The following ADARB2 variants were observed in gnomAD, a reference collection of about 807,000 sequenced individuals.
ADARB2 encodes inactive double-stranded RNA-specific editase B2.
Under a neutral mutation model 62.2 loss-of-function variants are expected in ADARB2, and 25 were observed. The observed-to-expected ratio is 0.40, with a 90% CI of 0.29 to 0.56. The LOEUF is 0.56. ADARB2 is among the 20% of genes least tolerant of loss of function. The pLI is 0.43. For synonymous variants in ADARB2, 572 were observed against 500.8 expected, an observed-to-expected ratio of 1.14 and a Z score of -1.90; for missense variants, 1,071 against 1,077.4, an observed-to-expected ratio of 0.99 and a Z score of 0.08.
intron 6 of ADARB2, among the ~76,000 whole-genome samples, chr10:1,232,871 GGTGT>G (rs754684105): frequency 3.3e-5 from 5 of 151,552 alleles, no homozygotes; most frequent in Admixed American, 6.6e-5. Context: ...TAGTGTATGT[GGTGT>G]GTGTGTTGTA....
intron 4 of ADARB2, among the ~76,000 whole-genome samples, chr10:1,246,233 A>G (rs1365582566): frequency 2.0e-5 from 3 of 151,786 alleles, no homozygotes; most frequent in Admixed American, 6.6e-5. Flanking sequence ...GATTCTGGAT[A>G]TTAGCCCTTT....
At chr10:1,282,826 C>T (rs1243003796) in intron 3 of ADARB2, among the ~76,000 whole-genome samples, 1 of 152,160 alleles carries the variant, frequency 6.6e-6, no homozygotes, top group Non-Finnish European at 1.5e-5. Context: ...ATTTAGTGTT[C>T]TGAGCACATG....
rs1357146479 is a variant in ADARB2, at chr10:1,183,097, G to A, written c.*96C>T. 4.3e-6 allele frequency: 6 copies of A among 1,396,626 alleles called. No individual in the cohort carries two copies. The highest frequency in any genetic ancestry group is 1.4e-5 in the African/African-American group (1 of 69,368). 86.5% of individuals were successfully genotyped at this position (1,396,626 alleles called of 1,614,324 possible). A position where few individuals can be genotyped will look rare whatever the true frequency, so the allele number is the denominator to read the frequency against. The stretch of plus-strand genomic sequence containing the variant: ...TGTTTCTGGGACACCAAAGTAAAAC[G>A]AATGCAGGGAACCGGCCGACCCGCC... On this transcript the variant is annotated 3_prime_UTR_variant, in exon 10 of 10. Transcript: ENST00000381312.
At chr10:1,734,028 G>A (rs1313787542) in intron 1 of ADARB2, among the ~76,000 whole-genome samples, 1 of 150,466 alleles carries the variant, frequency 6.6e-6, no homozygotes, top group African/African-American at 2.4e-5. Context: ...TCAGCAGCTT[G>A]TTTTTCTCTT....
chr10:1,352,242 C>T (rs57435720), intron 3 of ADARB2, among the ~76,000 whole-genome samples: 82,421 of 151,242 alleles, frequency 0.54, 22,928 homozygotes, highest in Middle Eastern at 0.6. Flanking sequence ...GCACCTTCTA[C>T]AAAACAACTC....
intron 1 of ADARB2, among the ~76,000 whole-genome samples, chr10:1,402,763 C>G (rs1322279335): frequency 6.6e-6 from 1 of 152,170 alleles, no homozygotes; most frequent in Non-Finnish European, 1.5e-5. Flanking sequence ...AACGGGGGCT[C>G]TGATTAACCT....
At chr10:1,585,758 G>A (rs925619939) in intron 1 of ADARB2, among the ~76,000 whole-genome samples, 3 of 152,166 alleles carry the variant, frequency 2.0e-5, no homozygotes, top group African/African-American at 2.4e-5. Flanking sequence ...ACTGTGTCTG[G>A]GTGCGGTGTC....
chr10:1,640,517 T>C (rs1202542413), intron 1 of ADARB2, among the ~76,000 whole-genome samples: 1 of 152,128 alleles, frequency 6.6e-6, no homozygotes, highest in Non-Finnish European at 1.5e-5. Context: ...GAAAACACAA[T>C]TGAGACAGAA....
chr10:1,526,763 G>C (rs756331145), intron 1 of ADARB2: 1 of 477,846 alleles, frequency 2.1e-6, no homozygotes, highest in Non-Finnish European at 4.4e-6. Flanking sequence ...CACGGACTGA[G>C]CCGGATGACA....
intron 1 of ADARB2, among the ~76,000 whole-genome samples, chr10:1,600,698 C>T (rs1293390720): frequency 1.3e-5 from 2 of 148,858 alleles, no homozygotes; most frequent in Admixed American, 6.7e-5. Context: ...TCAGTGTTAC[C>T]AGAAAGGACA....
intron 1 of ADARB2, among the ~76,000 whole-genome samples, chr10:1,584,932 G>A (rs1198163604): frequency 2.0e-5 from 3 of 152,194 alleles, no homozygotes; most frequent in East Asian, 3.8e-4. Flanking sequence ...AAGATCAGGG[G>A]TTGCCAGGGT....
intron 1 of ADARB2, among the ~76,000 whole-genome samples, chr10:1,580,576 C>T (rs962825046): frequency 1.1e-4 from 17 of 151,656 alleles, no homozygotes; most frequent in Non-Finnish European, 2.2e-4. Flanking sequence ...GAGAGAGCTC[C>T]CCTGTACCTC....
At chr10:1,529,565 A>G (rs949697671) in intron 1 of ADARB2, among the ~76,000 whole-genome samples, 2 of 151,966 alleles carry the variant, frequency 1.3e-5, no homozygotes, top group Non-Finnish European at 2.9e-5. Context: ...CTCTCCTGTG[A>G]CCCCTTCCAT....
intron 1 of ADARB2, among the ~76,000 whole-genome samples, chr10:1,684,759 A>G (rs1834579241): frequency 6.6e-6 from 1 of 152,212 alleles, no homozygotes; most frequent in Admixed American, 6.5e-5. Flanking sequence ...ATTTCACCAA[A>G]AGATTTTGCA....
chr10:1,209,011 G>T (rs560984112), intron 7 of ADARB2, among the ~76,000 whole-genome samples: 1 of 152,156 alleles, frequency 6.6e-6, no homozygotes, highest in South Asian at 2.1e-4. Context: ...GTGGTTCATC[G>T]TGGGTCCCCA....
Position 1,470,921 on chromosome 10 carries a change from T to C in ADARB2, c.101-91761A>G, listed in dbSNP as rs1339702631. Among the ~76,000 whole-genome samples the C allele has an allele frequency of 3.3e-5, 5 of 152,198 alleles. No individual in the cohort carries two copies. The East Asian group carries it at 9.7e-4, about 29-fold the overall frequency. ...TAAAAATACAAAAATTAGCCGGGCA[T>C]GGTGGCAGGTGCCTGTAGTCTCAGC... On this transcript the variant is annotated intron_variant, in intron 1 of 9. Coordinates refer to ENST00000381312, the MANE Select transcript of ADARB2 (RefSeq NM_018702.4).
chr10:1,547,897 G>A (rs1832550146), intron 1 of ADARB2, among the ~76,000 whole-genome samples: 1 of 152,126 alleles, frequency 6.6e-6, no homozygotes, highest in Non-Finnish European at 1.5e-5. Flanking sequence ...TCAGGGCAGG[G>A]CTGTTGGGAG....
intron 4 of ADARB2, among the ~76,000 whole-genome samples, chr10:1,265,793 T>A (rs1195013779): frequency 2.2e-5 from 3 of 138,950 alleles, no homozygotes; most frequent in Admixed American, 2.2e-4. Context: ...AGGTCCACGC[T>A]CCCCCGGAAG....
chr10:1,321,038 C>A (rs868552896), intron 3 of ADARB2, among the ~76,000 whole-genome samples: 1 of 152,180 alleles, frequency 6.6e-6, no homozygotes, highest in African/African-American at 2.4e-5. Context: ...TTCCTACAAC[C>A]TAAACAACAG....
Sources: allele counts gnomAD v4.1 joint callset (sites outside exome capture counted in the v4.1 genomes callset), GRCh38; gene constraint gnomAD v4.1.1; transcripts MANE v1.5; gene names NCBI Gene and HGNC (gene_info 2026-07-23, HGNC 2026-07-21).